Variants in SPOCK3 observed in about 807,000 individuals in gnomAD.
SPOCK3 encodes testican-3.
In SPOCK3, 30 loss-of-function variants were observed where a neutral mutation model predicts 56.6. The observed-to-expected ratio is 0.53, with a 90% confidence interval of 0.40 to 0.72. The LOEUF is 0.72. Among genes scored for constraint, SPOCK3 ranks in the 30% least tolerant of loss-of-function variants. The probability of loss-of-function intolerance (pLI) is 0.00; values close to 1 mark genes in which losing one functional copy is unlikely to be tolerated. For missense variants in SPOCK3, 527 were observed against 530.0 expected (o/e 0.99, Z 0.06); for synonymous variants, 196 against 183.3 (o/e 1.07, Z -0.56).
intron 4 of SPOCK3, among the ~76,000 whole-genome samples, chr4:166,952,595 T>C (rs1742801169): frequency 6.6e-6 from 1 of 152,104 alleles, no homozygotes; most frequent in African/African-American, 2.4e-5. Context: ...TTAAAGTTCA[T>C]ATGGAACCAA....
At chr4:166,874,673 G>T (rs896521416) in intron 6 of SPOCK3, among the ~76,000 whole-genome samples, 1 of 152,112 alleles carries the variant, frequency 6.6e-6, no homozygotes, top group Non-Finnish European at 1.5e-5. Context: ...GGAATCAAGT[G>T]ACTCCCTGGA....
intron 2 of SPOCK3, among the ~76,000 whole-genome samples, chr4:167,096,705 T>A (rs1445014363): frequency 1.3e-5 from 2 of 151,912 alleles, no homozygotes; most frequent in East Asian, 1.9e-4. Context: ...GTATTCCATA[T>A]GAGCTTGAGA....
intron 2 of SPOCK3, among the ~76,000 whole-genome samples, chr4:167,122,347 G>C (rs1761942932): frequency 6.6e-6 from 1 of 152,050 alleles, no homozygotes; most frequent in Non-Finnish European, 1.5e-5. Flanking sequence ...ACGGGGTTTT[G>C]CCATGTTGCC....
At chr4:166,872,218 G>C (rs1219301083) in intron 6 of SPOCK3, among the ~76,000 whole-genome samples, 1 of 151,940 alleles carries the variant, frequency 6.6e-6, no homozygotes, top group Non-Finnish European at 1.5e-5. Flanking sequence ...ACAAGAATGA[G>C]TAATAGAATA....
At chr4:166,765,392 G>A (rs1204395262) in intron 7 of SPOCK3, among the ~76,000 whole-genome samples, 1 of 152,100 alleles carries the variant, frequency 6.6e-6, no homozygotes, top group African/African-American at 2.4e-5. Context: ...TCCAGTTTCA[G>A]CTTTGTACAT....
At chr4:166,736,057 T>C (rs1734188586) in intron 10 of SPOCK3, among the ~76,000 whole-genome samples, 1 of 152,130 alleles carries the variant, frequency 6.6e-6, no homozygotes, top group African/African-American at 2.4e-5. Context: ...ATTTTATTCT[T>C]ATAATTATTT....
At chr4:166,951,485 C>A (rs1238638375) in intron 4 of SPOCK3, among the ~76,000 whole-genome samples, 24 of 142,014 alleles carry the variant, frequency 1.7e-4, no homozygotes, top group Non-Finnish European at 2.4e-4. Flanking sequence ...GGATTCACAG[C>A]CGAATTCTAC....
chr4:166,799,682 T>C (rs1742337188), intron 6 of SPOCK3, among the ~76,000 whole-genome samples: 1 of 152,080 alleles, frequency 6.6e-6, no homozygotes. Flanking sequence ...AATCTGCGTG[T>C]AGATGAGGAT....
intron 4 of SPOCK3, among the ~76,000 whole-genome samples, chr4:166,970,057 C>T (rs964962121): frequency 2.6e-5 from 4 of 152,152 alleles, no homozygotes; most frequent in Non-Finnish European, 4.4e-5. Context: ...AATTATATCT[C>T]AAGGCTTAGA....
At chr4:167,080,744 T>A (rs1355437295) in intron 2 of SPOCK3, among the ~76,000 whole-genome samples, 1 of 151,932 alleles carries the variant, frequency 6.6e-6, no homozygotes, top group Admixed American at 6.6e-5. Context: ...ATAAATGGCA[T>A]GTTAGATTAT....
chr4:167,149,835 A>AT (rs749141724), intron 2 of SPOCK3, among the ~76,000 whole-genome samples: 88 of 9,464 alleles, frequency 9.3e-3, no homozygotes, highest in Admixed American at 0.019. Context: ...GTGTGTATAT[A>AT]TATATGTATA....
At chr4:167,136,705 ATTT>A (rs938561888) in intron 2 of SPOCK3, among the ~76,000 whole-genome samples, 2 of 152,102 alleles carry the variant, frequency 1.3e-5, no homozygotes, top group African/African-American at 4.8e-5. Context: ...TCATTTTATA[ATTT>A]TTTAAAATAC....
At chr4:166,878,228 G>A (rs1733299239) in intron 6 of SPOCK3, among the ~76,000 whole-genome samples, 1 of 152,126 alleles carries the variant, frequency 6.6e-6, no homozygotes, top group Non-Finnish European at 1.5e-5. Context: ...GCAGTGGGCC[G>A]AGATCACGCC....
At chr4:167,177,382 T>C (rs146705734) in intron 2 of SPOCK3, among the ~76,000 whole-genome samples, 97 of 152,110 alleles carry the variant, frequency 6.4e-4, no homozygotes, top group African/African-American at 2.2e-3. Context: ...AAGATGCCAC[T>C]ATTATCATCA....
intron 6 of SPOCK3, among the ~76,000 whole-genome samples, chr4:166,838,782 C>CTAA (rs200205356): frequency 0.014 from 2,028 of 141,930 alleles, 58 homozygotes; most frequent in African/African-American, 0.047. Context: ...AACCCCACCT[C>CTAA]TAATAATAAT....
intron 7 of SPOCK3, among the ~76,000 whole-genome samples, chr4:166,789,783 T>G (rs1429975714): frequency 6.6e-6 from 1 of 152,178 alleles, no homozygotes; most frequent in African/African-American, 2.4e-5. Flanking sequence ...GGTAATATTT[T>G]TTGCTATTAG....
intron 2 of SPOCK3, among the ~76,000 whole-genome samples, chr4:167,133,047 C>T (rs1250261333): frequency 1.3e-5 from 2 of 152,054 alleles, no homozygotes; most frequent in Non-Finnish European, 2.9e-5. Context: ...TTCATTATTG[C>T]CTATAGTAGG....
At chr4:166,783,500 G>A (rs908300127) in intron 7 of SPOCK3, among the ~76,000 whole-genome samples, 20 of 152,044 alleles carry the variant, frequency 1.3e-4, no homozygotes, top group African/African-American at 4.6e-4. Flanking sequence ...AAATAAGCAT[G>A]CATTACTTGC....
intron 4 of SPOCK3, among the ~76,000 whole-genome samples, chr4:166,950,391 C>G (rs1189770828): frequency 6.6e-6 from 1 of 151,232 alleles, no homozygotes; most frequent in Non-Finnish European, 1.5e-5. Context: ...GCTAACTATC[C>G]TAAATACATA....
Sources: gnomAD v4.1 joint callset for allele counts (sites outside exome capture counted in the v4.1 genomes callset) on GRCh38, gnomAD v4.1.1 for gene constraint, MANE v1.5 for transcripts, NCBI Gene and HGNC (gene_info 2026-07-23, HGNC 2026-07-21) for gene names.